Variants in DRAM1 observed in about 807,000 individuals in gnomAD.
DRAM1 encodes the protein DNA damage regulated autophagy modulator 1, also known as DNA damage-regulated autophagy modulator protein 1.
DRAM1 carries 25 observed loss-of-function variants against 28.5 expected under a neutral mutation model. The ratio of observed to expected loss-of-function variants is 0.88; its 90% confidence interval spans 0.64 to 1.23. The LOEUF is 1.23. DRAM1 is among the 50% of genes most tolerant of loss of function. The probability of loss-of-function intolerance (pLI) is 0.00; values close to 1 mark genes in which losing one functional copy is unlikely to be tolerated. For synonymous variants in DRAM1, 113 were observed against 114.2 expected, an observed-to-expected ratio of 0.99 and a Z score of 0.07; for missense variants, 249 against 299.2, an observed-to-expected ratio of 0.83 and a Z score of 1.24.
intron 3 of DRAM1, among the ~76,000 whole-genome samples, chr12:101,904,694 GC>G (rs1873738901): frequency 6.6e-6 from 1 of 151,836 alleles, no homozygotes; most frequent in Non-Finnish European, 1.5e-5. Context: ...ACCTGCCTCG[GC>G]CTCCCAAAGT....
intron 5 of DRAM1, among the ~76,000 whole-genome samples, chr12:101,915,268 C>T (rs756868837): frequency 2.6e-5 from 4 of 152,060 alleles, no homozygotes; most frequent in Non-Finnish European, 5.9e-5. Context: ...TGTGAGCCAC[C>T]GCACCTGGCC....
At chr12:101,901,948 G>A (rs1237193466) in intron 3 of DRAM1, among the ~76,000 whole-genome samples, 3 of 151,880 alleles carry the variant, frequency 2.0e-5, no homozygotes, top group Non-Finnish European at 4.4e-5. Context: ...GATTATGAGA[G>A]TGTGTGATTC....
intron 4 of DRAM1, among the ~76,000 whole-genome samples, chr12:101,912,063 G>A (rs1023294271): frequency 6.6e-6 from 1 of 152,140 alleles, no homozygotes; most frequent in African/African-American, 2.4e-5. Context: ...GCCAGGTGTG[G>A]TGGTGGGCAC....
At chr12:101,886,821 T>C (rs1872900982) in intron 1 of DRAM1, among the ~76,000 whole-genome samples, 1 of 152,292 alleles carries the variant, frequency 6.6e-6, no homozygotes, top group Non-Finnish European at 1.5e-5. Flanking sequence ...TGTTGATCTG[T>C]GTAGGCAAAA....
intron 1 of DRAM1, among the ~76,000 whole-genome samples, chr12:101,890,639 A>C (rs575438162): frequency 6.6e-6 from 1 of 152,300 alleles, no homozygotes; most frequent in South Asian, 2.1e-4. Flanking sequence ...AGAGAGGGCA[A>C]AATTGCTTGT....
At chr12:101,907,501 G>A (rs1278661250) in intron 3 of DRAM1, among the ~76,000 whole-genome samples, 1 of 152,156 alleles carries the variant, frequency 6.6e-6, no homozygotes, top group Non-Finnish European at 1.5e-5. Flanking sequence ...AGCACTTTGG[G>A]AGGCCGAGGT....
In DRAM1 at chr12:101,895,186, G is replaced by GTTTTTTTTTTTTTTTTTTTTTTT. The variant is rs574722379; in HGVS notation, c.132-2669_132-2647dup. Among the ~76,000 whole-genome samples, 12 of 75,732 alleles carry GTTTTTTTTTTTTTTTTTTTTTTT rather than the reference G, an allele frequency of 1.6e-4. 3 individuals carry two copies. The highest frequency in any genetic ancestry group is 1.3e-3 in the East Asian group (2 of 1,516). 49.7% of individuals were successfully genotyped at this position (75,732 alleles called of 152,430 possible). A position where few individuals can be genotyped will look rare whatever the true frequency, so the allele number is the denominator to read the frequency against. On this transcript the variant is annotated intron_variant, in intron 1 of 6. Transcript: ENST00000258534. ...TAATGCTAAATTCGAAACCCTTCAG[G>GTTTTTTTTTTTTTTTTTTTTTTT]TTTTTTTTTTTTTTTTTTTTTTTTT...
chr12:101,913,012 G>A (rs1411430453), intron 4 of DRAM1, among the ~76,000 whole-genome samples: 1 of 152,134 alleles, frequency 6.6e-6, no homozygotes, highest in Non-Finnish European at 1.5e-5. Context: ...ACAGGTGTGA[G>A]CCACTGCGCC....
intron 1 of DRAM1, 40 bp from the exon 2 acceptor site, chr12:101,897,823 A>C (rs1460565520): frequency 4.1e-6 from 6 of 1,469,222 alleles, no homozygotes; most frequent in Non-Finnish European, 5.7e-6. Context: ...TCTGGACAGA[A>C]TTTCTTTCTA....
At chr12:101,878,879 A>G (rs889554158) in intron 1 of DRAM1, among the ~76,000 whole-genome samples, 1 of 151,670 alleles carries the variant, frequency 6.6e-6, no homozygotes, top group African/African-American at 2.4e-5. Flanking sequence ...CTGGTGAGCA[A>G]TGTTCTGTGT....
At chr12:101,892,301 T>C (rs1873165052) in intron 1 of DRAM1, among the ~76,000 whole-genome samples, 3 of 151,704 alleles carry the variant, frequency 2.0e-5, no homozygotes, top group African/African-American at 7.3e-5. Context: ...AGTGGTGCGA[T>C]CTCGGCTCAC....
At chr12:101,904,502 C>T (rs1466082206) in intron 3 of DRAM1, among the ~76,000 whole-genome samples, 3 of 120,484 alleles carry the variant, frequency 2.5e-5, no homozygotes, top group South Asian at 3.0e-4. Flanking sequence ...AGTGCAGTGG[C>T]GCAATCTCGG....
intron 1 of DRAM1, among the ~76,000 whole-genome samples, chr12:101,885,905 A>T (rs1007690085): frequency 6.6e-6 from 1 of 152,152 alleles, no homozygotes; most frequent in Non-Finnish European, 1.5e-5. Context: ...TATATGCTCC[A>T]TGAGGATAGA....
chr12:101,879,772 G>A (rs1390047263), intron 1 of DRAM1, among the ~76,000 whole-genome samples: 1 of 152,116 alleles, frequency 6.6e-6, no homozygotes, highest in African/African-American at 2.4e-5. Context: ...GAGGCTGGCG[G>A]ATCATGAGGT....
intron 1 of DRAM1, among the ~76,000 whole-genome samples, chr12:101,893,742 A>C (rs1264602650): frequency 6.6e-6 from 1 of 151,710 alleles, no homozygotes; most frequent in Non-Finnish European, 1.5e-5. Context: ...TACATAGTCA[A>C]TGCTCAGTAA....
At chr12:101,888,749 T>G (rs187856769) in intron 1 of DRAM1, among the ~76,000 whole-genome samples, 248 of 151,656 alleles carry the variant, frequency 1.6e-3, no homozygotes, top group Non-Finnish European at 2.6e-3. Flanking sequence ...CTCAAAAGTC[T>G]TGACTGATGC....
At chr12:101,894,711 C>T (rs909388630) in intron 1 of DRAM1, among the ~76,000 whole-genome samples, 1 of 152,198 alleles carries the variant, frequency 6.6e-6, no homozygotes, top group Non-Finnish European at 1.5e-5. Flanking sequence ...CAGGTCTGGT[C>T]TTCTCTTCAG....
At position 101,914,176 on chromosome 12, in the gene DRAM1, A is replaced by G. The variant is rs761016155; in HGVS notation, c.523A>G (p.Ile175Val). 6.2e-7 allele frequency: 1 copy of G among 1,605,754 alleles called. No homozygotes were observed. The highest frequency in any genetic ancestry group is 8.5e-7 in the Non-Finnish European group (1 of 1,176,810). ...AVSCAAVIPM[I>V]VCASLISITK... ...CCTTAACTGTTTACTTCTTTCAGTG[A>G]TTGTCTGTGCTTCACTAATTTCCAT... is the stretch of plus-strand genomic sequence containing the variant. The change falls in exon 5 of 7, where the codon ATT becomes GTT. Residue 175 changes from isoleucine (I) to valine (V), a missense_variant and splice_region_variant. Coordinates refer to ENST00000258534, the MANE Select transcript of DRAM1 (RefSeq NM_018370.3).
At chr12:101,878,065 G>A (rs965527544) in intron 1 of DRAM1, 145 bp downstream of exon 1, 5 of 1,157,312 alleles carry the variant, frequency 4.3e-6, no homozygotes, top group African/African-American at 3.2e-5. Flanking sequence ...AGGTGCTCCC[G>A]ATAGCCTGGG....
Sources: gnomAD v4.1 joint callset for allele counts (sites outside exome capture counted in the v4.1 genomes callset) on GRCh38, gnomAD v4.1.1 for gene constraint, MANE v1.5 for transcripts, NCBI Gene and HGNC (gene_info 2026-07-23, HGNC 2026-07-21) for gene names.